Variants in CTNNA3 observed in about 807,000 individuals in gnomAD.
The protein encoded by CTNNA3 is catenin alpha 3.
CTNNA3 carries 76 observed loss-of-function variants against 95.7 expected under a neutral mutation model. The observed-to-expected ratio is 0.79, with a 90% CI of 0.66 to 0.96. The LOEUF (loss-of-function observed/expected upper bound fraction) is 0.96, where lower values mean the gene tolerates loss of function less well. CTNNA3 is among the 40% of genes least tolerant of loss of function. The pLI, the probability that CTNNA3 is intolerant of heterozygous loss-of-function variation, is 0.00. For missense variants in CTNNA3, 1,191 were observed against 1,089.8 expected (o/e 1.09, Z -1.31); for synonymous variants, 431 against 374.4 (o/e 1.15, Z -1.74).
chr10:66,782,051 T>C (rs538523172), intron 7 of CTNNA3, among the ~76,000 whole-genome samples: 1 of 152,304 alleles, frequency 6.6e-6, no homozygotes, highest in African/African-American at 2.4e-5. Context: ...TAAAATATAA[T>C]GAGCAGAATA....
intron 7 of CTNNA3, among the ~76,000 whole-genome samples, chr10:67,025,129 C>CAAAAAAA (rs1206262968): frequency 7.9e-5 from 2 of 25,346 alleles, no homozygotes; most frequent in Admixed American, 7.6e-4. Flanking sequence ...AAAACTCTGT[C>CAAAAAAA]AAAAACAAAA....
At chr10:66,047,821 A>T (rs879581399) in intron 15 of CTNNA3, among the ~76,000 whole-genome samples, 14 of 152,192 alleles carry the variant, frequency 9.2e-5, no homozygotes, top group Non-Finnish European at 1.5e-4. Context: ...TAGCATTCCT[A>T]TACACCCACA....
At position 66,456,510 on chromosome 10, in the gene CTNNA3, G is replaced by A. The variant is rs192451739; in HGVS notation, c.1531+64107C>T. Reference sequence around the variant, plus strand: ...AGCCTGGCCAACATGGTGAAATCCCGTCTCTACTAAGAAAAATTAGCTGGG... The same window carrying A: ...AGCCTGGCCAACATGGTGAAATCCCATCTCTACTAAGAAAAATTAGCTGGG... On this transcript the variant is annotated intron_variant, in intron 11 of 17. Transcript: ENST00000433211. 1.9e-4 allele frequency among the ~76,000 whole-genome samples: 29 copies of A among 151,572 alleles called. No individual in the cohort carries two copies. In the East Asian group the frequency reaches 3.5e-3, roughly 18 times the overall value.
At chr10:66,693,792 T>G (rs1193379135) in intron 9 of CTNNA3, among the ~76,000 whole-genome samples, 13 of 152,016 alleles carry the variant, frequency 8.6e-5, no homozygotes, top group East Asian at 1.9e-4. Context: ...AAACTAGAAC[T>G]CAGGATTAAG....
At chr10:66,369,842 A>G (rs2092740116) in intron 12 of CTNNA3, among the ~76,000 whole-genome samples, 1 of 152,124 alleles carries the variant, frequency 6.6e-6, no homozygotes, top group Admixed American at 6.6e-5. Flanking sequence ...AGAAATGCTT[A>G]ATTCTTCATT....
intron 13 of CTNNA3, among the ~76,000 whole-genome samples, chr10:66,270,854 C>G (rs955159210): frequency 6.6e-6 from 1 of 152,148 alleles, no homozygotes; most frequent in African/African-American, 2.4e-5. Context: ...ATTAGGGGAA[C>G]AGCCAGCAGG....
At chr10:66,606,760 G>T (rs1409319778) in intron 10 of CTNNA3, among the ~76,000 whole-genome samples, 1 of 152,042 alleles carries the variant, frequency 6.6e-6, no homozygotes, top group Non-Finnish European at 1.5e-5. Context: ...GCATCTCTGG[G>T]ACACAGCTAA....
intron 12 of CTNNA3, among the ~76,000 whole-genome samples, chr10:66,327,386 T>C (rs2092267270): frequency 6.6e-6 from 1 of 152,070 alleles, no homozygotes. Context: ...TTTCTTTTCT[T>C]ATTCTGTGTC....
chr10:66,054,482 T>C (rs937379547), intron 15 of CTNNA3, among the ~76,000 whole-genome samples: 3 of 152,218 alleles, frequency 2.0e-5, no homozygotes, highest in Non-Finnish European at 4.4e-5. Context: ...ATTAGTGATA[T>C]GGAGCATCTT....
chr10:67,712,416 C>T (rs1294809493), intron 1 of CTNNA3, among the ~76,000 whole-genome samples: 1 of 152,238 alleles, frequency 6.6e-6, no homozygotes, highest in Admixed American at 6.5e-5. Context: ...TCCACGGCAG[C>T]CCCTCCCATC....
chr10:66,558,099 G>A (rs1489887406), intron 10 of CTNNA3, among the ~76,000 whole-genome samples: 2 of 152,076 alleles, frequency 1.3e-5, no homozygotes. Flanking sequence ...TAAAATGAGA[G>A]AATAAGCACT....
Position 67,639,409 on chromosome 10 carries a change from C to A in CTNNA3, c.99+8006G>T, listed in dbSNP as rs954389054. 1.3e-4 allele frequency among the ~76,000 whole-genome samples: 20 copies of A among 152,238 alleles called. No homozygotes were observed. The East Asian group carries it at 3.3e-3, about 25-fold the overall frequency. On this transcript the variant is annotated intron_variant, in intron 2 of 17. Coordinates refer to ENST00000433211, the MANE Select transcript of CTNNA3 (RefSeq NM_013266.4). The stretch of plus-strand genomic sequence containing the variant: ...AGTCCAGGACCAGACAGATTCACAG[C>A]CGAATTCTACCAGAGGTATGAGGAG...
chr10:67,550,308 T>A (rs1039726564), intron 3 of CTNNA3, among the ~76,000 whole-genome samples: 2 of 152,102 alleles, frequency 1.3e-5, no homozygotes, highest in African/African-American at 4.8e-5. Flanking sequence ...TAAATAATGC[T>A]CCCAGTGTAA....
chr10:66,912,595 C>T (rs1023554430), intron 7 of CTNNA3, among the ~76,000 whole-genome samples: 2 of 152,082 alleles, frequency 1.3e-5, no homozygotes, highest in African/African-American at 2.4e-5. Context: ...ATGAACACAA[C>T]ACCAGGAAGA....
At chr10:67,590,828 C>T (rs1842767608) in intron 3 of CTNNA3, among the ~76,000 whole-genome samples, 1 of 151,884 alleles carries the variant, frequency 6.6e-6, no homozygotes, top group African/African-American at 2.4e-5. Flanking sequence ...TTTCCATTTT[C>T]TTTTAAAAAT....
At chr10:67,641,806 A>G (rs1168975577) in intron 2 of CTNNA3, among the ~76,000 whole-genome samples, 1 of 152,174 alleles carries the variant, frequency 6.6e-6, no homozygotes, top group Non-Finnish European at 1.5e-5. Context: ...GAATTGAACA[A>G]TGAGAACACT....
intron 13 of CTNNA3, among the ~76,000 whole-genome samples, chr10:66,165,488 A>G (rs572131285): frequency 1.2e-3 from 189 of 152,324 alleles, no homozygotes; most frequent in South Asian, 3.3e-3. Context: ...AGCTGAAATT[A>G]TAAAAAACAA....
intron 5 of CTNNA3, among the ~76,000 whole-genome samples, chr10:67,314,457 A>G (rs1840956333): frequency 6.6e-6 from 1 of 152,210 alleles, no homozygotes; most frequent in South Asian, 2.1e-4. Flanking sequence ...TTTATTACAT[A>G]GTTTATTTTT....
intron 9 of CTNNA3, among the ~76,000 whole-genome samples, chr10:66,719,576 C>A (rs888892184): frequency 5.9e-5 from 9 of 152,066 alleles, no homozygotes; most frequent in Non-Finnish European, 1.3e-4. Flanking sequence ...AGGGTACCAC[C>A]CCAGAAAAAC....
Sources: allele counts gnomAD v4.1 joint callset (sites outside exome capture counted in the v4.1 genomes callset), GRCh38; gene constraint gnomAD v4.1.1; transcripts MANE v1.5; gene names NCBI Gene and HGNC (gene_info 2026-07-23, HGNC 2026-07-21).